KITLG: variants seen among roughly 807,000 people sequenced by gnomAD.
The protein encoded by KITLG is c-Kit ligand.
KITLG carries 13 observed loss-of-function variants against 34.1 expected under a neutral mutation model. The ratio of observed to expected loss-of-function variants is 0.38; its 90% CI spans 0.25 to 0.61. KITLG has a LOEUF of 0.61. Among genes scored for constraint, KITLG ranks in the 20% least tolerant of loss-of-function variants. The probability of loss-of-function intolerance (pLI) is 0.60; values close to 1 mark genes in which losing one functional copy is unlikely to be tolerated. For synonymous variants in KITLG, 110 were observed against 104.0 expected, an observed-to-expected ratio of 1.06 and a Z score of -0.35; for missense variants, 292 against 318.9, an observed-to-expected ratio of 0.92 and a Z score of 0.64.
chr12:88,542,517 A>G (rs1870553592), intron 2 of KITLG, among the ~76,000 whole-genome samples: 1 of 152,116 alleles, frequency 6.6e-6, no homozygotes, highest in Non-Finnish European at 1.5e-5. Flanking sequence ...GTATAGAGAA[A>G]GGCTGTGATT....
chr12:88,516,764 T>C (rs1869472756), intron 4 of KITLG, among the ~76,000 whole-genome samples: 1 of 149,822 alleles, frequency 6.7e-6, no homozygotes, highest in African/African-American at 2.4e-5. Flanking sequence ...GGGATATTTT[T>C]CTTTAGAGAT....
intron 7 of KITLG, among the ~76,000 whole-genome samples, 184 bp downstream of exon 7, chr12:88,506,844 T>C (rs990003918): frequency 6.6e-6 from 1 of 152,224 alleles, no homozygotes; most frequent in Admixed American, 6.5e-5. Flanking sequence ...GCGTGAATTA[T>C]CAGCTAGAGG....
intron 1 of KITLG, among the ~76,000 whole-genome samples, chr12:88,565,854 T>C (rs989111356): frequency 6.6e-6 from 1 of 152,138 alleles, no homozygotes. Flanking sequence ...AGACATAAAG[T>C]ATGTAACACA....
At chr12:88,524,365 A>G (rs1482042996) in intron 3 of KITLG, among the ~76,000 whole-genome samples, 3 of 152,178 alleles carry the variant, frequency 2.0e-5, no homozygotes, top group Non-Finnish European at 4.4e-5. Flanking sequence ...TCAATGGTAA[A>G]TTTTATTAAA....
At chr12:88,523,257 C>G (rs1869741390) in intron 3 of KITLG, among the ~76,000 whole-genome samples, 2 of 152,162 alleles carry the variant, frequency 1.3e-5, no homozygotes, top group African/African-American at 4.8e-5. Context: ...ATACTGAGGA[C>G]CAGTCTCACC....
intron 3 of KITLG, among the ~76,000 whole-genome samples, chr12:88,520,376 C>T (rs1444271811): frequency 1.3e-5 from 2 of 152,140 alleles, no homozygotes; most frequent in African/African-American, 2.4e-5. Context: ...GACCGTCAGC[C>T]CTATCAACAA....
intron 6 of KITLG, among the ~76,000 whole-genome samples, chr12:88,508,055 C>T (rs1015511690): frequency 1.1e-4 from 16 of 151,870 alleles, no homozygotes; most frequent in African/African-American, 3.4e-4. Flanking sequence ...GGTGTGGTGG[C>T]GCATGCCTGT....
chr12:88,552,176 A>T (rs1007791608), intron 1 of KITLG, among the ~76,000 whole-genome samples: 5 of 137,318 alleles, frequency 3.6e-5, no homozygotes, highest in African/African-American at 1.1e-4. Context: ...AATTATGATA[A>T]TTTTTTTTTT....
At chr12:88,531,626 T>C (rs983675609) in intron 3 of KITLG, among the ~76,000 whole-genome samples, 1 of 152,160 alleles carries the variant, frequency 6.6e-6, no homozygotes, top group Admixed American at 6.6e-5. Context: ...AAGAATCTAT[T>C]GCACTGCTAG....
At chr12:88,564,573 C>T (rs3907470) in intron 1 of KITLG, among the ~76,000 whole-genome samples, 100,143 of 151,998 alleles carry the variant, frequency 0.66, 36,714 homozygotes, top group Middle Eastern at 0.86. Context: ...CATTGCTCAC[C>T]ATTTGTGTGT....
At chr12:88,579,538 C>T (rs898145644) in intron 1 of KITLG, among the ~76,000 whole-genome samples, 2 of 152,164 alleles carry the variant, frequency 1.3e-5, no homozygotes, top group Non-Finnish European at 2.9e-5. Context: ...AATTTAGCAG[C>T]ACTGGGAATT....
intron 6 of KITLG, 124 bp downstream of exon 6, chr12:88,515,410 G>A: frequency 1.5e-6 from 1 of 647,276 alleles, no homozygotes; most frequent in East Asian, 2.8e-5. Flanking sequence ...GACCATAAAA[G>A]GAATAACAGT....
chr12:88,558,380 A>G (rs1871172033), intron 1 of KITLG, among the ~76,000 whole-genome samples: 1 of 151,968 alleles, frequency 6.6e-6, no homozygotes, highest in Non-Finnish European at 1.5e-5. Context: ...AAATCTTTAT[A>G]CTCTACTTTA....
chr12:88,509,340 A>G (rs1869189339), intron 6 of KITLG, among the ~76,000 whole-genome samples: 2 of 152,186 alleles, frequency 1.3e-5, no homozygotes, highest in Non-Finnish European at 2.9e-5. Context: ...ACCAGACTCA[A>G]AAGCAAAAAG....
chr12:88,502,388 T>A (rs1868895425), intron 9 of KITLG, among the ~76,000 whole-genome samples: 1 of 152,144 alleles, frequency 6.6e-6, no homozygotes, highest in Non-Finnish European at 1.5e-5. Flanking sequence ...AATACACACA[T>A]TCACACAAAA....
chr12:88,513,060 T>G (rs1869335187), intron 6 of KITLG, among the ~76,000 whole-genome samples: 1 of 151,890 alleles, frequency 6.6e-6, no homozygotes, highest in South Asian at 2.1e-4. Context: ...ATAATTGAAC[T>G]GCATTGTGTA....
At chr12:88,498,587 A>G (rs1340715079) in intron 9 of KITLG, among the ~76,000 whole-genome samples, 1 of 152,166 alleles carries the variant, frequency 6.6e-6, no homozygotes. Flanking sequence ...TAGAGAATTA[A>G]ATATAGGACA....
intron 6 of KITLG, among the ~76,000 whole-genome samples, chr12:88,511,428 T>G (rs1191364239): frequency 2.0e-5 from 3 of 152,190 alleles, no homozygotes; most frequent in South Asian, 4.1e-4. Flanking sequence ...CAGATTGAGG[T>G]GTGGAAGACA....
In KITLG at chr12:88,497,177, C is replaced by T. The variant is rs1211652044; in HGVS notation, c.*42G>A. 6.7e-6 allele frequency: 3 copies of T among 446,074 alleles called. No homozygotes were observed. The highest frequency in any genetic ancestry group is 1.4e-5 in the Non-Finnish European group (3 of 222,148). The allele number at this position is 446,074 out of a possible 1,614,324, so 27.6% of individuals were successfully genotyped here. On this transcript the variant is annotated 3_prime_UTR_variant, in exon 10 of 10. Coordinates refer to ENST00000644744, the MANE Select transcript of KITLG (RefSeq NM_000899.5). ...TTTATGAAGCAAACATGAACTGTTA[C>T]CAGCCTAGAAAGGAAGGAAGAAAAG... is the stretch of plus-strand genomic sequence containing the variant.
Sources: gnomAD v4.1 joint callset for allele counts (sites outside exome capture counted in the v4.1 genomes callset) on GRCh38, gnomAD v4.1.1 for gene constraint, MANE v1.5 for transcripts, NCBI Gene and HGNC (gene_info 2026-07-23, HGNC 2026-07-21) for gene names.